Variants in TANC1 observed in about 807,000 individuals in gnomAD.
The protein encoded by TANC1 is protein TANC1.
A neutral mutation model predicts 149.7 loss-of-function variants in TANC1; 77 were observed. That is an observed-to-expected ratio of 0.51 (90% CI 0.43 to 0.62). TANC1 has a LOEUF of 0.62. TANC1 is among the 20% of genes least tolerant of loss of function. TANC1 has a pLI of 0.00. For missense variants in TANC1, 1,985 were observed against 2,321.8 expected (o/e 0.85, Z 2.98); for synonymous variants, 854 against 925.0 (o/e 0.92, Z 1.39).
At chr2:159,103,322 C>T (rs76849786) in intron 4 of TANC1, among the ~76,000 whole-genome samples, 1,111 of 95,650 alleles carry the variant, frequency 0.012, 278 homozygotes, top group African/African-American at 0.03. Flanking sequence ...ATACATAGTG[C>T]CCACTTCCTT....
At chr2:159,203,485 G>A (rs977468227) in intron 19 of TANC1, among the ~76,000 whole-genome samples, 5 of 151,994 alleles carry the variant, frequency 3.3e-5, no homozygotes, top group Admixed American at 1.3e-4. Context: ...GATTACAGGT[G>A]TGAGCCACCA....
intron 4 of TANC1, among the ~76,000 whole-genome samples, chr2:159,134,578 G>A (rs1044664723): frequency 6.6e-6 from 1 of 152,168 alleles, no homozygotes; most frequent in African/African-American, 2.4e-5. Flanking sequence ...CACCTCCTGG[G>A]TTCAAGCGAT....
chr2:158,981,493 ATATAT>A (rs1559096014), intron 1 of TANC1, among the ~76,000 whole-genome samples: 1,359 of 48,514 alleles, frequency 0.028, 105 homozygotes, highest in Non-Finnish European at 0.033. Flanking sequence ...TATAGCTTTT[ATATAT>A]ATATATATAT....
At chr2:159,096,070 C>A (rs1414469803) in intron 3 of TANC1, among the ~76,000 whole-genome samples, 4 of 152,108 alleles carry the variant, frequency 2.6e-5, no homozygotes, top group African/African-American at 9.7e-5. Flanking sequence ...TAGCTTTTGT[C>A]ATAGAGACTG....
At chr2:159,163,153 A>C (rs1264738422) in intron 7 of TANC1, 130 bp from the exon 8 acceptor site, 3 of 901,208 alleles carry the variant, frequency 3.3e-6, no homozygotes, top group African/African-American at 3.4e-5. Flanking sequence ...TGTATGGAAC[A>C]TACTTTGATA....
intron 14 of TANC1, among the ~76,000 whole-genome samples, chr2:159,182,637 T>A (rs1231031871): frequency 1.3e-5 from 2 of 152,214 alleles, no homozygotes; most frequent in Non-Finnish European, 2.9e-5. Context: ...TCCTCATGTT[T>A]TTTCATGTGT....
At chr2:159,094,451 A>G in intron 3 of TANC1, among the ~76,000 whole-genome samples, 1 of 152,234 alleles carries the variant, frequency 6.6e-6, no homozygotes, top group South Asian at 2.1e-4. Flanking sequence ...TTGCATTCTC[A>G]GTGTGAGAGT....
intron 5 of TANC1, among the ~76,000 whole-genome samples, chr2:159,140,686 A>ATTTTTT (rs375936311): frequency 3.6e-5 from 4 of 109,798 alleles, no homozygotes; most frequent in Admixed American, 1.1e-4. Flanking sequence ...GAGATTCTCT[A>ATTTTTT]TTTTTTTTTT....
rs1460438880 is a variant in TANC1, at chr2:159,163,473, A to G, written c.873A>G (p.Ser291=). 6.2e-7 allele frequency: 1 copy of G among 1,613,914 alleles called. No individual in the cohort carries two copies. ...GCACGCTGCCCAAAGCAGAATCCTCAGCTGGAGATGGTCCAGTCCCTTATT... is the reference window on the plus strand; with the variant it reads ...GCACGCTGCCCAAAGCAGAATCCTCGGCTGGAGATGGTCCAGTCCCTTATT... The part of the protein sequence containing the change: ...AESTLPKAES[S]AGDGPVPYSQ... Residue 291 remains serine, a synonymous_variant, in exon 8 of 27, where the codon TCA becomes TCG. Coordinates refer to ENST00000263635, the MANE Select transcript of TANC1 (RefSeq NM_033394.3).
intron 7 of TANC1, among the ~76,000 whole-genome samples, chr2:159,160,518 G>A (rs2053941361): frequency 6.6e-6 from 1 of 152,180 alleles, no homozygotes; most frequent in African/African-American, 2.4e-5. Context: ...GGACTCCGGG[G>A]CTGCCATGTT....
chr2:159,147,568 C>T (rs2052277324), intron 5 of TANC1: 1 of 152,300 alleles, frequency 6.6e-6, no homozygotes, highest in Non-Finnish European at 1.5e-5. Flanking sequence ...AGGAAGGGAC[C>T]TCCTGTAGAG....
chr2:159,043,902 A>G (rs997137434), intron 2 of TANC1, among the ~76,000 whole-genome samples: 2 of 152,198 alleles, frequency 1.3e-5, no homozygotes, highest in Non-Finnish European at 2.9e-5. Flanking sequence ...AGGTTGCCTT[A>G]CCTCAAATGC....
At chr2:158,978,278 C>T in intron 1 of TANC1, among the ~76,000 whole-genome samples, 1 of 152,106 alleles carries the variant, frequency 6.6e-6, no homozygotes, top group East Asian at 1.9e-4. Flanking sequence ...TTCTGGCAGC[C>T]TTAGGAAGGC....
At chr2:159,174,486 G>A (rs776253706) in intron 11 of TANC1, among the ~76,000 whole-genome samples, 3 of 152,130 alleles carry the variant, frequency 2.0e-5, no homozygotes, top group Non-Finnish European at 4.4e-5. Flanking sequence ...GAGCTGCTGT[G>A]ACTCTACAGC....
chr2:159,089,476 T>C (rs977314982), intron 3 of TANC1, among the ~76,000 whole-genome samples: 1 of 152,170 alleles, frequency 6.6e-6, no homozygotes, highest in Non-Finnish European at 1.5e-5. Flanking sequence ...CTCAATTCCT[T>C]GGTCCTGTCC....
chr2:159,003,840 A>G, intron 2 of TANC1: 1 of 1,606,616 alleles, frequency 6.2e-7, no homozygotes, highest in South Asian at 1.1e-5. Context: ...AGATTTACCA[A>G]CAGCATGAAT....
intron 7 of TANC1, among the ~76,000 whole-genome samples, chr2:159,161,689 G>A (rs889183782): frequency 2.6e-5 from 4 of 152,138 alleles, no homozygotes; most frequent in African/African-American, 9.7e-5. Flanking sequence ...TCATATAAAT[G>A]GTCTATTTAA....
intron 4 of TANC1, among the ~76,000 whole-genome samples, chr2:159,110,160 G>A (rs2047582077): frequency 6.6e-6 from 1 of 152,228 alleles, no homozygotes; most frequent in African/African-American, 2.4e-5. Flanking sequence ...TTGGCAACAT[G>A]TTGCCAAGAG....
intron 2 of TANC1, among the ~76,000 whole-genome samples, chr2:159,003,330 T>C (rs1211415153): frequency 1.3e-5 from 2 of 152,158 alleles, no homozygotes; most frequent in Non-Finnish European, 2.9e-5. Context: ...GCCCTTTGTT[T>C]TGGGAAATAG....
Sources: gnomAD v4.1 joint callset for allele counts (sites outside exome capture counted in the v4.1 genomes callset) on GRCh38, gnomAD v4.1.1 for gene constraint, MANE v1.5 for transcripts, NCBI Gene and HGNC (gene_info 2026-07-23, HGNC 2026-07-21) for gene names.